The following UBXN7 variants were observed in gnomAD, a reference collection of about 807,000 sequenced individuals.
UBXN7 encodes UBX domain-containing protein 7.
In UBXN7, 9 loss-of-function variants were observed where a neutral mutation model predicts 58.0. That is an observed-to-expected ratio of 0.16 (90% CI 0.09 to 0.27). The LOEUF (loss-of-function observed/expected upper bound fraction) is 0.27. UBXN7 is among the 10% of genes least tolerant of loss of function. The pLI, the probability that UBXN7 is intolerant of heterozygous loss-of-function variation, is 1.00. For synonymous variants in UBXN7, 208 were observed against 205.0 expected, an observed-to-expected ratio of 1.01 and a Z score of -0.12; for missense variants, 328 against 599.6, an observed-to-expected ratio of 0.55 and a Z score of 4.73.
intron 1 of UBXN7, among the ~76,000 whole-genome samples, chr3:196,408,457 C>G (rs1730228783): frequency 2.6e-5 from 4 of 152,162 alleles, no homozygotes; most frequent in Admixed American, 2.6e-4. Context: ...TCCAGCATAG[C>G]TTCAGTTTAT....
chr3:196,418,194 G>A (rs996502072), intron 1 of UBXN7, among the ~76,000 whole-genome samples: 2 of 151,780 alleles, frequency 1.3e-5, no homozygotes, highest in Admixed American at 6.6e-5. Flanking sequence ...CCGAGATCAC[G>A]CCACTGCACT....
At chr3:196,413,505 G>A (rs1418625741) in intron 1 of UBXN7, among the ~76,000 whole-genome samples, 1 of 152,054 alleles carries the variant, frequency 6.6e-6, no homozygotes, top group Non-Finnish European at 1.5e-5. Context: ...GAACCAGGGA[G>A]GTTTTTCCTT....
At chr3:196,409,543 T>C (rs753508996) in intron 1 of UBXN7, among the ~76,000 whole-genome samples, 17 of 152,096 alleles carry the variant, frequency 1.1e-4, no homozygotes, top group Non-Finnish European at 1.9e-4. Flanking sequence ...GAGGATATGA[T>C]TTGACAGACT....
At chr3:196,393,937 T>C (rs1729663609) in intron 3 of UBXN7, 1 of 181,120 alleles carries the variant, frequency 5.5e-6, no homozygotes, top group Non-Finnish European at 1.2e-5. Flanking sequence ...AGTCATCTTG[T>C]ATTACAAATG....
At chr3:196,432,247 GAAGGT>G (rs1560250280) in intron 1 of UBXN7, 75 bp downstream of exon 1, 1 of 1,570,020 alleles carries the variant, frequency 6.4e-7, no homozygotes. Flanking sequence ...AGGAATGCCT[GAAGGT>G]AAGGGGAAGC....
intron 10 of UBXN7, 98 bp from the exon 11 acceptor site, chr3:196,356,944 G>T: frequency 7.1e-7 from 1 of 1,408,216 alleles, no homozygotes; most frequent in Non-Finnish European, 9.5e-7. Flanking sequence ...AATCATATTA[G>T]ATCAGCTATT....
At chr3:196,415,302 C>T (rs1004858167) in intron 1 of UBXN7, among the ~76,000 whole-genome samples, 9 of 151,100 alleles carry the variant, frequency 6.0e-5, no homozygotes, top group Admixed American at 5.3e-4. Context: ...AATAGGCGCA[C>T]GCCACCACTC....
chr3:196,421,594 AC>A lies in UBXN7; in HGVS notation c.73+10732del, dbSNP rs1047479700. Among the ~76,000 whole-genome samples, 177 of 146,714 alleles carry A rather than the reference AC, an allele frequency of 1.2e-3. 1 individual carries two copies. Among genetic ancestry groups the A allele is most frequent in the African/African-American group, 3.6e-3 (145 of 39,812 alleles). On this transcript the variant is annotated intron_variant, in intron 1 of 10. Coordinates refer to ENST00000296328, the MANE Select transcript of UBXN7 (RefSeq NM_015562.2). ...AGACCATCCTGGCCAACATGGTGAA[AC>A]CCCCCCCCAGTCTCTAGTAAAAATA...
At chr3:196,384,977 A>C (rs1389656432) in intron 5 of UBXN7, among the ~76,000 whole-genome samples, 1 of 152,142 alleles carries the variant, frequency 6.6e-6, no homozygotes, top group South Asian at 2.1e-4. Context: ...AAATAAATAA[A>C]GGGTATTCAA....
rs773572216 is a variant in UBXN7, at chr3:196,407,387, C to G, written c.80G>C (p.Ser27Thr). The G allele has an allele frequency of 4.4e-6, 7 of 1,603,720 alleles. No homozygotes were observed. The East Asian group carries it at 1.3e-4, about 31-fold the overall frequency. Residue 27 changes from serine (S) to threonine (T), a missense_variant, in exon 2 of 11, where the codon AGT (serine) becomes ACT (threonine). Coordinates refer to ENST00000296328, the MANE Select transcript of UBXN7 (RefSeq NM_015562.2). The part of the protein sequence containing the change: ...IQQFTTITGA[S>T]ESVGKHMLEA... ...AAGCATATGTTTTCCTACACTTTCA[C>G]TTGCACCTGAAACAGTAAAAAGACA...
intron 1 of UBXN7, chr3:196,416,043 A>G (rs564067499): frequency 2.0e-5 from 3 of 152,350 alleles, no homozygotes; most frequent in African/African-American, 7.2e-5. Context: ...CAGCACCACA[A>G]AAAAGCAGAA....
chr3:196,387,949 A>G (rs1729461598), intron 5 of UBXN7, among the ~76,000 whole-genome samples: 1 of 152,096 alleles, frequency 6.6e-6, no homozygotes, highest in East Asian at 1.9e-4. Flanking sequence ...CTGGGTATAT[A>G]CCCAAAGGAT....
chr3:196,381,247 T>C (rs1376458626), intron 5 of UBXN7, among the ~76,000 whole-genome samples: 3 of 152,196 alleles, frequency 2.0e-5, no homozygotes, highest in African/African-American at 7.2e-5. Context: ...AGACACCTCA[T>C]ACAGGCGGCT....
intron 5 of UBXN7, among the ~76,000 whole-genome samples, chr3:196,377,313 A>G (rs1729059678): frequency 6.6e-6 from 1 of 152,178 alleles, no homozygotes; most frequent in African/African-American, 2.4e-5. Context: ...TCTTGACGGT[A>G]CCAGCTCTTT....
intron 1 of UBXN7, among the ~76,000 whole-genome samples, chr3:196,424,423 C>G (rs1730785410): frequency 1.6e-5 from 2 of 125,370 alleles, no homozygotes; most frequent in African/African-American, 5.9e-5. Context: ...GAGACAAGGT[C>G]TCTCTCTGTC....
At chr3:196,373,597 C>A (rs1406099787) in intron 5 of UBXN7, among the ~76,000 whole-genome samples, 1 of 150,372 alleles carries the variant, frequency 6.7e-6, no homozygotes, top group Non-Finnish European at 1.5e-5. Flanking sequence ...ACATACTGGA[C>A]ATCATTTTGT....
intron 5 of UBXN7, among the ~76,000 whole-genome samples, chr3:196,383,531 C>T (rs966041916): frequency 1.3e-5 from 2 of 152,126 alleles, no homozygotes; most frequent in South Asian, 4.1e-4. Flanking sequence ...TATTCCAAAA[C>T]TGACCACATA....
At chr3:196,431,671 TG>T in intron 1 of UBXN7, 2 of 271,612 alleles carry the variant, frequency 7.4e-6, no homozygotes, top group Non-Finnish European at 1.5e-5. Context: ...CTATTCAGCT[TG>T]GGGGTTCCCC....
At chr3:196,411,065 T>C (rs1460049532) in intron 1 of UBXN7, among the ~76,000 whole-genome samples, 1 of 152,222 alleles carries the variant, frequency 6.6e-6, no homozygotes, top group African/African-American at 2.4e-5. Flanking sequence ...TGTTACTCTG[T>C]TGATCTGTGC....
Sources: allele counts gnomAD v4.1 joint callset (sites outside exome capture counted in the v4.1 genomes callset), GRCh38; gene constraint gnomAD v4.1.1; transcripts MANE v1.5; gene names NCBI Gene and HGNC (gene_info 2026-07-23, HGNC 2026-07-21).